ASAP2: variants seen among roughly 807,000 people sequenced by gnomAD.
ASAP2 encodes the protein arf-GAP with SH3 domain, ANK repeat and PH domain-containing protein 2.
A neutral mutation model predicts 131.4 loss-of-function variants in ASAP2; 45 were observed. The ratio of observed to expected loss-of-function variants is 0.34; its 90% CI spans 0.27 to 0.44. ASAP2 has a LOEUF of 0.44. Ranked by LOEUF, ASAP2 falls within the 20% of genes least tolerant of loss-of-function variation. ASAP2 has a pLI of 1.00. For synonymous variants in ASAP2, 510 were observed against 503.0 expected, an observed-to-expected ratio of 1.01 and a Z score of -0.19; for missense variants, 1,011 against 1,297.0, an observed-to-expected ratio of 0.78 and a Z score of 3.39.
At chr2:9,301,482 T>C (rs1223304132) in intron 3 of ASAP2, among the ~76,000 whole-genome samples, 3 of 152,202 alleles carry the variant, frequency 2.0e-5, no homozygotes, top group Non-Finnish European at 4.4e-5. Context: ...CCCCAATGGA[T>C]GTGAGAATCC....
At chr2:9,343,213 C>T (rs1176843945) in intron 9 of ASAP2, among the ~76,000 whole-genome samples, 1 of 152,188 alleles carries the variant, frequency 6.6e-6, no homozygotes, top group Non-Finnish European at 1.5e-5. Context: ...GCACCTGGAG[C>T]AAACCACTTA....
intron 1 of ASAP2, chr2:9,271,472 C>CGCTG (rs1263702816): frequency 7.2e-7 from 1 of 1,394,062 alleles, no homozygotes; most frequent in Non-Finnish European, 1.0e-6. Context: ...TTGGTGTAAT[C>CGCTG]ATCAGCGATC....
chr2:9,252,776 C>T (rs1664808682), intron 1 of ASAP2, among the ~76,000 whole-genome samples: 1 of 151,332 alleles, frequency 6.6e-6, no homozygotes, highest in Non-Finnish European at 1.5e-5. Flanking sequence ...ATTAGCCAGG[C>T]GTGGTGGCGG....
chr2:9,285,400 C>T (rs1431933652), intron 2 of ASAP2, among the ~76,000 whole-genome samples: 2 of 152,146 alleles, frequency 1.3e-5, no homozygotes, highest in Non-Finnish European at 2.9e-5. Context: ...TCTGCATGTC[C>T]CACGTGTATA....
At chr2:9,372,068 A>G (rs749069883) in intron 16 of ASAP2, among the ~76,000 whole-genome samples, 3 of 152,178 alleles carry the variant, frequency 2.0e-5, no homozygotes, top group Non-Finnish European at 4.4e-5. Flanking sequence ...CCCTGGGCAG[A>G]TGAGTAAATA....
intron 3 of ASAP2, among the ~76,000 whole-genome samples, chr2:9,312,143 T>G (rs13414635): frequency 6.6e-6 from 1 of 152,172 alleles, no homozygotes; most frequent in Non-Finnish European, 1.5e-5. Context: ...GACATTTTCT[T>G]CTCCCCTTAA....
chr2:9,313,502 ACTTT>A (rs1468420741), intron 3 of ASAP2, among the ~76,000 whole-genome samples: 2 of 152,184 alleles, frequency 1.3e-5, no homozygotes, highest in Non-Finnish European at 2.9e-5. Context: ...GACACTTTTA[ACTTT>A]CTTCCCCACA....
intron 1 of ASAP2, among the ~76,000 whole-genome samples, chr2:9,210,067 C>G (rs972951344): frequency 6.6e-6 from 1 of 152,214 alleles, no homozygotes. Context: ...CTTATCTCTG[C>G]TTTATAGGCG....
At chr2:9,237,414 C>CTTT (rs35375516) in intron 1 of ASAP2, among the ~76,000 whole-genome samples, 21 of 131,962 alleles carry the variant, frequency 1.6e-4, no homozygotes, top group African/African-American at 5.3e-4. Flanking sequence ...GTCTTTTGGT[C>CTTT]TTTTTTTTTT....
chr2:9,386,979 C>A (rs1008426665), intron 21 of ASAP2, among the ~76,000 whole-genome samples: 2 of 151,088 alleles, frequency 1.3e-5, no homozygotes, highest in Non-Finnish European at 2.9e-5. Context: ...CTGAGGCGGG[C>A]GGATCACGAG....
rs1471665345 is a variant in ASAP2 at position 9,271,335 on chromosome 2, C to T, written c.127-7982C>T. ...TCGTCCTTAGCCAGTCCAAGCTCTA[C>T]GAGGAACTGGCATAATATATGTTCT... On this transcript the variant is annotated intron_variant, in intron 1 of 27. Coordinates refer to ENST00000281419, the MANE Select transcript of ASAP2 (RefSeq NM_003887.3). 14 of 1,067,120 alleles carry T rather than the reference C, an allele frequency of 1.3e-5. 1 individual carries two copies. Among genetic ancestry groups the T allele is most frequent in the African/African-American group, 4.6e-5 (3 of 64,562 alleles). The allele number at this position is 1,067,120 out of a possible 1,614,324, so 66.1% of individuals were successfully genotyped here. A position where few individuals can be genotyped will look rare whatever the true frequency, so the allele number is the denominator to read the frequency against.
At chr2:9,402,208 G>C (rs1676773702) in intron 27 of ASAP2, among the ~76,000 whole-genome samples, 1 of 152,232 alleles carries the variant, frequency 6.6e-6, no homozygotes, top group Admixed American at 6.5e-5. Flanking sequence ...ACTCCCACTA[G>C]TGTTTAAACT....
chr2:9,216,968 A>G (rs756265850), intron 1 of ASAP2, among the ~76,000 whole-genome samples: 8 of 152,120 alleles, frequency 5.3e-5, no homozygotes, highest in Admixed American at 2.6e-4. Context: ...TTCTTTACAT[A>G]TATCAATTAT....
Position 9,399,786 on chromosome 2 carries a change from G to C in ASAP2, c.2685-237G>C, listed in dbSNP as rs1290869441. ...CCCTGGCCATCGGTGGCAGGCTCAC[G>C]TGGACAGAGTGCTCTGGAAAAGCCC... On this transcript the variant is annotated intron_variant, in intron 24 of 27. Coordinates refer to ENST00000281419, the MANE Select transcript of ASAP2 (RefSeq NM_003887.3). 3 of 555,728 alleles carry C rather than the reference G, an allele frequency of 5.4e-6. No homozygotes were observed. In the South Asian group the frequency reaches 6.2e-5, roughly 12 times the overall value. 34.4% of individuals were successfully genotyped at this position (555,728 alleles called of 1,614,324 possible). A position where few individuals can be genotyped will look rare whatever the true frequency, so the allele number is the denominator to read the frequency against.
chr2:9,384,377 G>A (rs574636516), intron 20 of ASAP2, among the ~76,000 whole-genome samples: 9 of 152,208 alleles, frequency 5.9e-5, no homozygotes, highest in African/African-American at 1.2e-4. Context: ...TTGTAAAGGC[G>A]GTTTCACAAG....
At chr2:9,340,021 A>G (rs59329658) in intron 9 of ASAP2, among the ~76,000 whole-genome samples, 5,503 of 152,256 alleles carry the variant, frequency 0.036, 245 homozygotes, top group African/African-American at 0.097. Context: ...CCATGTCTGC[A>G]GCTTTTTGTT....
chr2:9,243,467 A>C (rs1193737739), intron 1 of ASAP2, among the ~76,000 whole-genome samples: 1 of 152,208 alleles, frequency 6.6e-6, no homozygotes, highest in African/African-American at 2.4e-5. Flanking sequence ...GTTGTTTAGG[A>C]ACTCAGACGG....
chr2:9,234,550 C>G (rs955029528), intron 1 of ASAP2, among the ~76,000 whole-genome samples: 1 of 152,092 alleles, frequency 6.6e-6, no homozygotes, highest in African/African-American at 2.4e-5. Context: ...CATGAAAGAC[C>G]AGGGAGGGGA....
At chr2:9,298,841 T>C (rs1441327264) in intron 3 of ASAP2, among the ~76,000 whole-genome samples, 1 of 152,138 alleles carries the variant, frequency 6.6e-6, no homozygotes, top group Non-Finnish European at 1.5e-5. Context: ...TGCCTCACAC[T>C]TCAGTACAGA....
Sources: gnomAD v4.1 joint callset for allele counts (sites outside exome capture counted in the v4.1 genomes callset) on GRCh38, gnomAD v4.1.1 for gene constraint, MANE v1.5 for transcripts, NCBI Gene and HGNC (gene_info 2026-07-23, HGNC 2026-07-21) for gene names.